DBH: variants seen among roughly 807,000 people sequenced by gnomAD.
DBH encodes the protein dopamine beta-hydroxylase (dopamine beta-monooxygenase).
In DBH, 49 loss-of-function variants were observed where a neutral mutation model predicts 64.0. The ratio of observed to expected loss-of-function variants is 0.77; its 90% CI spans 0.61 to 0.97. The LOEUF is 0.97. Ranked by LOEUF, DBH falls within the 50% of genes least tolerant of loss-of-function variation. The probability of loss-of-function intolerance (pLI) is 0.00; values close to 1 mark genes in which losing one functional copy is unlikely to be tolerated. For missense variants in DBH, 828 were observed against 826.6 expected, an observed-to-expected ratio of 1.00 and a Z score of -0.02; for synonymous variants, 343 against 347.1, an observed-to-expected ratio of 0.99 and a Z score of 0.13.
chr9:133,653,898 C>T (rs534106231), intron 9 of DBH, among the ~76,000 whole-genome samples: 10 of 152,198 alleles, frequency 6.6e-5, no homozygotes, highest in Non-Finnish European at 1.3e-4. Context: ...GCCAGTGGAT[C>T]CGTGCCAGCT....
Position 133,639,950 on chromosome 9 carries a change from G to T in DBH, c.444G>T (p.Lys148Asn). 6.2e-7 allele frequency: 1 copy of T among 1,613,966 alleles called. No homozygotes were observed. Among genetic ancestry groups the T allele is most frequent in the South Asian group, 1.1e-5 (1 of 91,058 alleles). The change falls in exon 2 of 12, where the codon AAG becomes AAT. Residue 148 changes from lysine (K) to asparagine (N), a missense_variant. Lys to Asn is a moderately conservative substitution (Grantham distance 94, BLOSUM62 0). Coordinates refer to ENST00000393056, the MANE Select transcript of DBH (RefSeq NM_000787.4). The stretch of plus-strand genomic sequence containing the variant: ...CAGAAGGCCTGACCCTGCTTTTCAA[G>T]AGGCCCTTTGGCACCTGCGACCCCA... ...RTPEGLTLLF[K>N]RPFGTCDPKD... is the part of the protein sequence containing the mutation.
intron 1 of DBH, among the ~76,000 whole-genome samples, chr9:133,637,725 C>T (rs1430006341): frequency 6.6e-6 from 1 of 152,202 alleles, no homozygotes; most frequent in East Asian, 1.9e-4. Flanking sequence ...CAGATGGTGG[C>T]TGCTGTTTCT....
intron 6 of DBH, among the ~76,000 whole-genome samples, chr9:133,650,737 G>A (rs559602506): frequency 7.3e-5 from 11 of 151,716 alleles, no homozygotes; most frequent in African/African-American, 9.7e-5. Context: ...TAGTAGAGGC[G>A]GGGTTTTACC....
chr9:133,652,784 G>A (rs150862918), intron 8 of DBH, among the ~76,000 whole-genome samples, 156 bp from the exon 9 acceptor site: 40 of 152,270 alleles, frequency 2.6e-4, no homozygotes, highest in East Asian at 7.7e-4. Flanking sequence ...TGTGACCTTC[G>A]CACATGAATC....
At chr9:133,646,828 T>G (rs1416067945) in intron 5 of DBH, among the ~76,000 whole-genome samples, 1 of 152,174 alleles carries the variant, frequency 6.6e-6, no homozygotes, top group African/African-American at 2.4e-5. Flanking sequence ...CCCGGCCCCC[T>G]GGACCTCTGA....
chr9:133,645,640 T>C (rs3025405), intron 5 of DBH, among the ~76,000 whole-genome samples: 4,603 of 152,216 alleles, frequency 0.03, 107 homozygotes, highest in Admixed American at 0.045. Flanking sequence ...CCGTTTGAGT[T>C]TGGATGGTGT....
rs565359188 is a variant in DBH, at chr9:133,651,649, G to A, written c.1207G>A (p.Gly403Arg). The change falls in exon 7 of 12, where the codon GGG (glycine) becomes AGG (arginine). Residue 403 changes from glycine to arginine, a missense_variant. Coordinates refer to ENST00000393056, the MANE Select transcript of DBH (RefSeq NM_000787.4). ...GACCCCACAGGCACTGCCTCCCTCC[G>A]GGATCCACATCTTCGCCTCTCAGCT... ...KCTQLALPPSGIHIFASQLHT... is the reference protein window; with the variant it reads ...KCTQLALPPSRIHIFASQLHT... The A allele has an allele frequency of 2.0e-5, 33 of 1,613,696 alleles. No individual in the cohort carries two copies. Among genetic ancestry groups the A allele is most frequent in the East Asian group, 6.7e-5 (3 of 44,866 alleles).
Position 133,652,947 on chromosome 9 carries a change from T to G in DBH, c.1382T>G (p.Val461Gly). ...KKVVSVHPGD[V>G]LITSCTYNTE... ...ACATTGGCTTTTCCTCAGGGAGATG[T>G]GCTCATCACCTCCTGCACGTACAAC... Residue 461 changes from valine to glycine, a missense_variant, in exon 9 of 12, where the codon GTG becomes GGG. Coordinates refer to ENST00000393056, the MANE Select transcript of DBH (RefSeq NM_000787.4). 1 of 1,613,444 alleles carries G rather than the reference T, an allele frequency of 6.2e-7. No individual in the cohort carries two copies.
chr9:133,657,509 A>G (rs919160115), intron 11 of DBH, among the ~76,000 whole-genome samples: 55 of 149,542 alleles, frequency 3.7e-4, no homozygotes, highest in Non-Finnish European at 6.8e-4. Flanking sequence ...AGAGAGAGAG[A>G]GAGAGAGAGG....
intron 6 of DBH, among the ~76,000 whole-genome samples, chr9:133,649,613 C>T (rs1211510862): frequency 6.6e-6 from 1 of 152,370 alleles, no homozygotes; most frequent in Admixed American, 6.5e-5. Context: ...ACGGAGCTCT[C>T]AGCCGGCATG....
chr9:133,653,386 G>A (rs2131292551), intron 9 of DBH, among the ~76,000 whole-genome samples: 1 of 152,290 alleles, frequency 6.6e-6, no homozygotes, highest in East Asian at 1.9e-4. Context: ...GGAGCTCAAG[G>A]TGCACCAGGG....
At chr9:133,655,100 G>C (rs142520877) in intron 9 of DBH, 1 of 152,370 alleles carries the variant, frequency 6.6e-6, no homozygotes, top group Non-Finnish European at 1.5e-5. Context: ...CGTTCTGCAG[G>C]TTGAGGCCCT....
At chr9:133,651,372 T>C (rs1588352239) in intron 6 of DBH, among the ~76,000 whole-genome samples, 1 of 151,606 alleles carries the variant, frequency 6.6e-6, no homozygotes, top group African/African-American at 2.4e-5. Flanking sequence ...CAGGAGAGGA[T>C]GAAGGACTCG....
chr9:133,642,640 T>A (rs991528854), intron 3 of DBH, among the ~76,000 whole-genome samples, 176 bp downstream of exon 3: 3 of 152,090 alleles, frequency 2.0e-5, no homozygotes, highest in African/African-American at 7.3e-5. Context: ...GGCTTCCCCA[T>A]CACTCTGCTC....
At chr9:133,657,404 GAGA>G in intron 11 of DBH, 175 bp downstream of exon 11, 1 of 480,638 alleles carries the variant, frequency 2.1e-6, no homozygotes. Context: ...CCAGCAGAGA[GAGA>G]GGAGAGAGGA....
intron 9 of DBH, among the ~76,000 whole-genome samples, chr9:133,654,136 A>G (rs61149283): frequency 0.14 from 17,061 of 121,086 alleles, 1,040 homozygotes; most frequent in South Asian, 0.22. Context: ...TTTTTTTGAG[A>G]CGGAGTCTCG....
At chr9:133,652,163 G>T in intron 7 of DBH, 83 bp from the exon 8 acceptor site, 1 of 1,534,484 alleles carries the variant, frequency 6.5e-7, no homozygotes, top group Non-Finnish European at 9.0e-7. Flanking sequence ...AGGGAGGCCT[G>T]AGGGAGGACA....
Position 133,652,220 on chromosome 9 carries a change from C to T in DBH, c.1336-26C>T, listed in dbSNP as rs756454315. The T allele has an allele frequency of 3.1e-6, 5 of 1,613,606 alleles. No individual in the cohort carries two copies. The Admixed American group carries it at 8.3e-5, about 27-fold the overall frequency. ...GCAGCTCTCTGAGGTCTCCTCTCCC[C>T]CACCCCTCGGCTCTGCCTGCCCCAG... On this transcript the variant is annotated intron_variant, in intron 7 of 11. Transcript: ENST00000393056.
rs971486552 is a variant in DBH at position 133,643,829 on chromosome 9, G to A, written c.921+240G>A. ...AGTGCCGCAGGACCTTATGCCCTCA[G>A]TGGGTCCTGATTCTGTTTCCCAACT... On this transcript the variant is annotated intron_variant, in intron 4 of 11. Coordinates refer to ENST00000393056, the MANE Select transcript of DBH (RefSeq NM_000787.4). The surrounding 1 kb of genome is among the most constrained non-coding windows in gnomAD (Gnocchi z 5.3). Among the ~76,000 whole-genome samples the A allele has an allele frequency of 7.9e-5, 12 of 152,318 alleles. No individual in the cohort carries two copies. Among genetic ancestry groups the A allele is most frequent in the Non-Finnish European group, 1.3e-4 (9 of 68,026 alleles).
Sources: allele counts gnomAD v4.1 joint callset (sites outside exome capture counted in the v4.1 genomes callset), GRCh38; gene constraint gnomAD v4.1.1; non-coding constraint Gnocchi (gnomAD v3.1); transcripts MANE v1.5; gene names NCBI Gene and HGNC (gene_info 2026-07-23, HGNC 2026-07-21).